Variants in PDE4D observed in about 807,000 individuals in gnomAD.
PDE4D encodes phosphodiesterase 4D.
A neutral mutation model predicts 87.4 loss-of-function variants in PDE4D; 24 were observed. That is an observed-to-expected ratio of 0.27 (90% CI 0.20 to 0.39). PDE4D has a LOEUF of 0.39. PDE4D is among the 10% of genes least tolerant of loss of function. PDE4D has a pLI of 1.00. For synonymous variants in PDE4D, 384 were observed against 383.2 expected, an observed-to-expected ratio of 1.00 and a Z score of -0.02; for missense variants, 714 against 1,041.0, an observed-to-expected ratio of 0.69 and a Z score of 4.32.
chr5:59,418,083 C>T (rs1793907356), intron 1 of PDE4D, among the ~76,000 whole-genome samples: 1 of 152,172 alleles, frequency 6.6e-6, no homozygotes, highest in Non-Finnish European at 1.5e-5. Flanking sequence ...CAAATGATTG[C>T]TATAAGTCCC....
chr5:59,946,613 C>T (rs1757748322), intron 3 of PDE4D, among the ~76,000 whole-genome samples: 1 of 152,176 alleles, frequency 6.6e-6, no homozygotes. Flanking sequence ...ACTATAGAAG[C>T]CATTTGCTCT....
rs115909710 is a variant in PDE4D at position 60,013,125 on chromosome 5, C to T, written c.43-24408G>A. ...TTTAGATTCATGAGTGCCCTGACTCCGCTTTTTTGGACCCCGTATAATCCT... is the reference window on the plus strand; with the variant it reads ...TTTAGATTCATGAGTGCCCTGACTCTGCTTTTTTGGACCCCGTATAATCCT... On this transcript the variant is annotated intron_variant, in intron 2 of 16. Coordinates refer to the PDE4D transcript ENST00000502484. 8.2e-3 allele frequency among the ~76,000 whole-genome samples: 1,245 copies of T among 152,190 alleles called. 19 individuals are homozygous for T. The highest frequency in any genetic ancestry group is 0.028 in the African/African-American group (1,168 of 41,514).
At chr5:59,279,457 G>C (rs1765415861) in intron 1 of PDE4D, among the ~76,000 whole-genome samples, 1 of 151,990 alleles carries the variant, frequency 6.6e-6, no homozygotes, top group Non-Finnish European at 1.5e-5. Flanking sequence ...TTGGATTCAA[G>C]GACTTTCCTA....
chr5:59,140,469 G>A (rs1034869475), intron 5 of PDE4D, among the ~76,000 whole-genome samples: 2 of 152,062 alleles, frequency 1.3e-5, no homozygotes, highest in African/African-American at 4.8e-5. Context: ...AAAATTTAAC[G>A]GTCATTATAA....
chr5:59,423,155 C>G (rs71627957), intron 1 of PDE4D, among the ~76,000 whole-genome samples: 10 of 152,082 alleles, frequency 6.6e-5, no homozygotes, highest in Non-Finnish European at 1.2e-4. Context: ...ACACCTTATC[C>G]TTTTAGTTTA....
At chr5:60,116,509 G>C (rs1367236481) in intron 2 of PDE4D, among the ~76,000 whole-genome samples, 1 of 151,996 alleles carries the variant, frequency 6.6e-6, no homozygotes, top group East Asian at 1.9e-4. Context: ...TGTTGTCCCA[G>C]ATAAAGAGCA....
At chr5:58,985,941 A>G (rs1419251204) in intron 11 of PDE4D, among the ~76,000 whole-genome samples, 2 of 152,232 alleles carry the variant, frequency 1.3e-5, no homozygotes, top group South Asian at 2.1e-4. Context: ...TGTAATTTTG[A>G]TAATGCCCTG....
chr5:59,734,988 C>T (rs535578265), intron 1 of PDE4D, among the ~76,000 whole-genome samples: 4 of 152,260 alleles, frequency 2.6e-5, no homozygotes, highest in Non-Finnish European at 5.9e-5. Flanking sequence ...GCTTATAAAA[C>T]CCCTTGAACC....
chr5:59,287,718 C>CAGAGAGAG (rs144084939), intron 1 of PDE4D, among the ~76,000 whole-genome samples: 200 of 149,652 alleles, frequency 1.3e-3, no homozygotes, highest in South Asian at 6.1e-3. Flanking sequence ...GAGACACACA[C>CAGAGAGAG]AGAGAGAGAG....
At chr5:59,859,056 G>C (rs768980081) in intron 1 of PDE4D, among the ~76,000 whole-genome samples, 4 of 152,116 alleles carry the variant, frequency 2.6e-5, no homozygotes, top group Non-Finnish European at 4.4e-5. Context: ...TATTCACAAA[G>C]ACACTAAAAG....
chr5:59,690,869 A>C (rs1750790204), intron 1 of PDE4D, among the ~76,000 whole-genome samples: 1 of 152,214 alleles, frequency 6.6e-6, no homozygotes, highest in African/African-American at 2.4e-5. Context: ...AAACAAATTT[A>C]CAAGAAAAAA....
chr5:60,504,302 A>G (rs1314108878), intron 1 of PDE4D, among the ~76,000 whole-genome samples: 1 of 150,850 alleles, frequency 6.6e-6, no homozygotes, highest in African/African-American at 2.4e-5. Flanking sequence ...TAGCTTTTGT[A>G]TAACTACAGC....
intron 1 of PDE4D, chr5:59,275,867 A>T (rs1416720193): frequency 2.0e-6 from 2 of 985,584 alleles, no homozygotes; most frequent in East Asian, 1.1e-4. Context: ...CTGTCAAGGA[A>T]GTTCCATTTC....
intron 1 of PDE4D, among the ~76,000 whole-genome samples, chr5:59,334,170 A>C (rs1029550347): frequency 6.8e-6 from 1 of 148,088 alleles, no homozygotes. Flanking sequence ...CCTTTATAGG[A>C]TTGGCCACTT....
Position 59,857,678 on chromosome 5 carries a change from G to A in PDE4D, c.455+35490C>T, listed in dbSNP as rs1313196905. On this transcript the variant is annotated intron_variant, in intron 1 of 14. Coordinates refer to ENST00000340635, the MANE Select transcript of PDE4D (RefSeq NM_001104631.2). Reference sequence around the variant, plus strand: ...GAAGACATTTCTCAATGAGTTTGATGCACCAATAAATTTATCAGCCAGACT... The same window carrying A: ...GAAGACATTTCTCAATGAGTTTGATACACCAATAAATTTATCAGCCAGACT... Among the ~76,000 whole-genome samples the A allele has an allele frequency of 2.2e-4, 34 of 152,066 alleles. 1 individual carries two copies. Among genetic ancestry groups the A allele is most frequent in the East Asian group, 1.7e-3 (9 of 5,166 alleles).
At chr5:59,832,812 T>C (rs2152699510) in intron 1 of PDE4D, among the ~76,000 whole-genome samples, 1 of 152,220 alleles carries the variant, frequency 6.6e-6, no homozygotes, top group African/African-American at 2.4e-5. Context: ...TGTGTCTATG[T>C]CTTCACTTTT....
chr5:59,612,428 G>A (rs295969), intron 1 of PDE4D, among the ~76,000 whole-genome samples: 131,264 of 152,114 alleles, frequency 0.86, 56,694 homozygotes, highest in South Asian at 0.93. Context: ...CCTAAGGAGA[G>A]GAAGATAGAC....
chr5:59,855,441 T>C (rs559525773), intron 1 of PDE4D, among the ~76,000 whole-genome samples: 1 of 152,276 alleles, frequency 6.6e-6, no homozygotes, highest in South Asian at 2.1e-4. Flanking sequence ...CTCAAGAGTG[T>C]ATGTCACAAA....
chr5:59,767,254 CTTTT>C (rs1308290444), intron 1 of PDE4D, among the ~76,000 whole-genome samples: 4 of 151,950 alleles, frequency 2.6e-5, no homozygotes, highest in African/African-American at 9.7e-5. Flanking sequence ...CACACTCATT[CTTTT>C]TTGTTATGTT....
Sources: allele counts gnomAD v4.1 joint callset (sites outside exome capture counted in the v4.1 genomes callset), GRCh38; gene constraint gnomAD v4.1.1; transcripts MANE v1.5; gene names NCBI Gene and HGNC (gene_info 2026-07-23, HGNC 2026-07-21).